LRRC7: variants seen among roughly 807,000 people sequenced by gnomAD.
LRRC7 encodes leucine-rich repeat-containing protein 7.
LRRC7 carries 23 observed loss-of-function variants against 175.7 expected under a neutral mutation model. The observed-to-expected ratio is 0.13, with a 90% CI of 0.09 to 0.19. The LOEUF (loss-of-function observed/expected upper bound fraction) is 0.19. LRRC7 is among the 10% of genes least tolerant of loss of function. LRRC7 has a pLI of 1.00. For synonymous variants in LRRC7, 685 were observed against 680.9 expected (o/e 1.01, Z -0.09); for missense variants, 1,354 against 1,904.7 (o/e 0.71, Z 5.38).
chr1:69,608,693 C>G (rs1648061338), intron 1 of LRRC7, among the ~76,000 whole-genome samples: 1 of 151,678 alleles, frequency 6.6e-6, no homozygotes, highest in Non-Finnish European at 1.5e-5. Flanking sequence ...GAGTGATTGA[C>G]ATACAGAAGT....
chr1:69,620,284 T>G (rs1925353), intron 1 of LRRC7, among the ~76,000 whole-genome samples: 55,910 of 151,898 alleles, frequency 0.37, 10,636 homozygotes, highest in East Asian at 0.58. Flanking sequence ...TTTTTTACTT[T>G]TACACTCTAA....
chr1:69,647,103 C>T (rs541189305), intron 1 of LRRC7, among the ~76,000 whole-genome samples: 60 of 152,230 alleles, frequency 3.9e-4, no homozygotes, highest in African/African-American at 1.3e-3. Flanking sequence ...AAGATTCCTG[C>T]TATTAATGCC....
chr1:70,097,090 G>A (rs1403249625), intron 25 of LRRC7, among the ~76,000 whole-genome samples: 1 of 152,102 alleles, frequency 6.6e-6, no homozygotes, highest in Admixed American at 6.5e-5. Flanking sequence ...GAAAATATCA[G>A]CACTGTAAAT....
intron 2 of LRRC7, among the ~76,000 whole-genome samples, chr1:69,710,023 A>T (rs1227730537): frequency 6.6e-6 from 1 of 152,128 alleles, no homozygotes; most frequent in Non-Finnish European, 1.5e-5. Context: ...TACACCTGTA[A>T]TCTTAGCACT....
intron 13 of LRRC7, 41 bp downstream of exon 13, chr1:70,013,130 C>T: frequency 8.0e-7 from 1 of 1,245,896 alleles, no homozygotes; most frequent in Non-Finnish European, 1.1e-6. Context: ...TAGTTATTTG[C>T]TGAAAGCAAA....
At chr1:69,856,335 G>T (rs553377028) in intron 7 of LRRC7, among the ~76,000 whole-genome samples, 1 of 151,956 alleles carries the variant, frequency 6.6e-6, no homozygotes, top group African/African-American at 2.4e-5. Context: ...CTGGTTTTTT[G>T]AAAAGATCAA....
At chr1:69,902,866 A>G (rs1038747581) in intron 7 of LRRC7, among the ~76,000 whole-genome samples, 1 of 152,236 alleles carries the variant, frequency 6.6e-6, no homozygotes. Context: ...CCCATAAGAA[A>G]TAATGCAATT....
Position 69,657,517 on chromosome 1 carries a change from A to T in LRRC7, c.3-20864A>T, listed in dbSNP as rs1282612516. Among the ~76,000 whole-genome samples, 3 of 151,904 alleles carry T rather than the reference A, an allele frequency of 2.0e-5. No individual in the cohort carries two copies. The East Asian group carries it at 5.8e-4, about 29-fold the overall frequency. The stretch of plus-strand genomic sequence containing the variant: ...GATCCTCTTCATCCAGGTGCTATGT[A>T]TCTGAACTGCCACAAGTAAAATGTA... On this transcript the variant is annotated intron_variant, in intron 1 of 26. Coordinates refer to ENST00000651989, the MANE Select transcript of LRRC7 (RefSeq NM_001370785.2).
At chr1:69,781,034 A>G (rs187463985) in intron 3 of LRRC7, among the ~76,000 whole-genome samples, 5 of 152,350 alleles carry the variant, frequency 3.3e-5, no homozygotes, top group African/African-American at 9.6e-5. Flanking sequence ...AGATATAGTC[A>G]TCTACATTTA....
chr1:70,038,801 A>G lies in LRRC7; in HGVS notation c.2977A>G (p.Ile993Val). ...KKSQSIDEID[I>V]GTYKVYNIPL... ...GTCACAGAGTATCGATGAGATTGAC[A>G]TTGGTACATATAAGGTGTATAACAT... Residue 993 changes from isoleucine to valine, a missense_variant, in exon 21 of 27, where the codon ATT (isoleucine) becomes GTT (valine). Ile to Val is a conservative substitution (Grantham distance 29). This residue lies in a region of LRRC7 where 1,032 missense variants were observed against 1,227.2 expected (regional missense o/e 0.84). Coordinates refer to ENST00000651989, the MANE Select transcript of LRRC7 (RefSeq NM_001370785.2). 1 of 1,614,096 alleles carries G rather than the reference A, an allele frequency of 6.2e-7. No individual in the cohort carries two copies. Among genetic ancestry groups the G allele is most frequent in the Non-Finnish European group, 8.5e-7 (1 of 1,180,008 alleles).
intron 13 of LRRC7, among the ~76,000 whole-genome samples, chr1:70,013,797 A>G (rs1230205546): frequency 6.6e-6 from 1 of 152,034 alleles, no homozygotes; most frequent in Non-Finnish European, 1.5e-5. Context: ...CATGAGCTCT[A>G]TGTTTTCAAT....
intron 16 of LRRC7, among the ~76,000 whole-genome samples, chr1:70,022,754 T>G (rs2101979194): frequency 6.6e-6 from 1 of 152,318 alleles, no homozygotes; most frequent in Non-Finnish European, 1.5e-5. Flanking sequence ...TATTGTAATC[T>G]TACACTAAAT....
intron 8 of LRRC7, among the ~76,000 whole-genome samples, chr1:69,938,301 A>G (rs759508763): frequency 1.3e-5 from 2 of 152,084 alleles, no homozygotes; most frequent in African/African-American, 4.8e-5. Flanking sequence ...CTTGTATTCT[A>G]TAAAACTGCT....
chr1:70,052,883 TA>T (rs1445019696), intron 22 of LRRC7, 142 bp from the exon 23 acceptor site: 2 of 717,748 alleles, frequency 2.8e-6, no homozygotes, highest in African/African-American at 3.7e-5. Context: ...CAGTAAATAG[TA>T]TATAATATTT....
At chr1:69,798,212 G>A (rs984232063) in intron 4 of LRRC7, among the ~76,000 whole-genome samples, 2 of 152,034 alleles carry the variant, frequency 1.3e-5, no homozygotes, top group African/African-American at 2.4e-5. Flanking sequence ...GAGCCACCGC[G>A]CCTGGCTGAT....
intron 4 of LRRC7, among the ~76,000 whole-genome samples, chr1:69,822,414 G>T (rs1373909155): frequency 6.6e-6 from 1 of 152,198 alleles, no homozygotes; most frequent in Non-Finnish European, 1.5e-5. Context: ...GTGGTCCACA[G>T]GTGAGGCATA....
chr1:69,971,697 A>T (rs1394447208), intron 8 of LRRC7, among the ~76,000 whole-genome samples: 1 of 152,150 alleles, frequency 6.6e-6, no homozygotes, highest in Non-Finnish European at 1.5e-5. Context: ...CCATACTGCC[A>T]AAAGCAATCT....
In LRRC7 at chr1:69,939,019, ATATATATATATC is replaced by A. The variant is rs1557910901; in HGVS notation, c.711+7459_711+7470del. ...ATTATATATATATATATATATCTATATATATATATATCTATATATATCTATATCTATCTCACA... is the reference window on the plus strand; with the variant it reads ...ATTATATATATATATATATATCTATATATATATATCTATATCTATCTCACA... On this transcript the variant is annotated intron_variant, in intron 8 of 26. Coordinates refer to ENST00000651989, the MANE Select transcript of LRRC7 (RefSeq NM_001370785.2). Among the ~76,000 whole-genome samples the A allele has an allele frequency of 9.3e-4, 103 of 110,738 alleles. 4 individuals carry two copies. The highest frequency in any genetic ancestry group is 3.0e-3 in the African/African-American group (92 of 30,670). 72.6% of individuals were successfully genotyped at this position (110,738 alleles called of 152,430 possible). A position where few individuals can be genotyped will look rare whatever the true frequency, so the allele number is the denominator to read the frequency against.
At chr1:69,844,699 T>C (rs750584346) in intron 7 of LRRC7, among the ~76,000 whole-genome samples, 3 of 152,062 alleles carry the variant, frequency 2.0e-5, no homozygotes, top group Non-Finnish European at 4.4e-5. Context: ...TGGATATATA[T>C]TTAGAAGTGG....
Sources: allele counts gnomAD v4.1 joint callset (sites outside exome capture counted in the v4.1 genomes callset), GRCh38; gene constraint gnomAD v4.1.1; regional missense constraint gnomAD v4.1.1; transcripts MANE v1.5; gene names NCBI Gene and HGNC (gene_info 2026-07-23, HGNC 2026-07-21).